CRYBB2: variants seen among roughly 807,000 people sequenced by gnomAD.
The protein encoded by CRYBB2 is beta-crystallin B2.
In CRYBB2, 12 loss-of-function variants were observed where a neutral mutation model predicts 24.3. The observed-to-expected ratio is 0.49, with a 90% CI of 0.32 to 0.80. The LOEUF (loss-of-function observed/expected upper bound fraction) is 0.80. Ranked by LOEUF, CRYBB2 falls within the 30% of genes least tolerant of loss-of-function variation. The pLI is 0.04. For synonymous variants in CRYBB2, 98 were observed against 101.6 expected, an observed-to-expected ratio of 0.96 and a Z score of 0.21; for missense variants, 198 against 268.5, an observed-to-expected ratio of 0.74 and a Z score of 1.83.
rs764256992 is a variant in CRYBB2 at position 25,224,956 on chromosome 22, G to C, written c.93G>C (p.Ser31=). ...AGCAGGAAAACTTTCAAGGCCACTC[G>C]CATGAGCTCAATGGGCCCTGCCCCA... ...IFEQENFQGH[S]HELNGPCPNL... is the part of the protein sequence containing the mutation. Residue 31 remains serine (S), a synonymous_variant, in exon 3 of 6, where the codon TCG becomes TCC. Coordinates refer to ENST00000398215, the MANE Select transcript of CRYBB2 (RefSeq NM_000496.3). 6.2e-7 allele frequency: 1 copy of C among 1,612,132 alleles called. No homozygotes were observed. The highest frequency in any genetic ancestry group is 8.5e-7 in the Non-Finnish European group (1 of 1,178,188).
chr22:25,229,057 G>A (rs1308131340), intron 4 of CRYBB2, among the ~76,000 whole-genome samples: 8 of 103,368 alleles, frequency 7.7e-5, no homozygotes, highest in African/African-American at 2.0e-4. Context: ...TGTGGTGTGC[G>A]TGTGTGCATG....
At chr22:25,213,813 A>T (rs1411331645) in intron 1 of CRYBB2, 1 of 152,132 alleles carries the variant, frequency 6.6e-6, no homozygotes, top group Non-Finnish European at 1.5e-5. Context: ...CAAATAAATT[A>T]TATGCACCTG....
At position 25,231,778 on chromosome 22, in the gene CRYBB2, T is replaced by A. The variant is rs201645539; in HGVS notation, c.*6T>A. 1.8e-4 allele frequency: 290 copies of A among 1,613,468 alleles called. No individual in the cohort carries two copies. Among genetic ancestry groups the A allele is most frequent in the South Asian group, 3.7e-4 (34 of 91,070 alleles). The stretch of plus-strand genomic sequence containing the variant: ...CCTTCCACCCCTCCAACTAGTGCCC[T>A]CCCCACCATGCCTCCTTCCCAGGAC... On this transcript the variant is annotated 3_prime_UTR_variant, in exon 6 of 6. Transcript: ENST00000398215.
At chr22:25,212,637 A>G (rs1322177797) in exon 1 of CRYBB2, 4 of 151,528 alleles carry the variant, frequency 2.6e-5, no homozygotes, top group Non-Finnish European at 5.9e-5. Flanking sequence ...TGCTTTTCCT[A>G]CTCTGTAGAC....
At chr22:25,229,718 T>C (rs929281763) in intron 5 of CRYBB2, 140 bp downstream of exon 5, 15 of 1,098,078 alleles carry the variant, frequency 1.4e-5, no homozygotes, top group Non-Finnish European at 2.0e-5. Flanking sequence ...CACTGGAAAG[T>C]AAATGGGAAT....
chr22:25,219,245 T>C (rs1000041601), upstream of CRYBB2, among the ~76,000 whole-genome samples: 1 of 152,066 alleles, frequency 6.6e-6, no homozygotes, highest in Admixed American at 6.6e-5. Context: ...AATAAATGGG[T>C]AGATGAATGA....
upstream of CRYBB2, among the ~76,000 whole-genome samples, chr22:25,218,075 C>T (rs1340681631): frequency 6.6e-6 from 1 of 151,476 alleles, no homozygotes; most frequent in Non-Finnish European, 1.5e-5. Flanking sequence ...CTGGCTAACA[C>T]AGTGAAACAC....
At chr22:25,224,821 C>T (rs1569019463) in intron 2 of CRYBB2, 97 bp from the exon 3 acceptor site, 3 of 789,144 alleles carry the variant, frequency 3.8e-6, no homozygotes, top group Non-Finnish European at 2.3e-6. Context: ...AACCCTTCAG[C>T]ATCCTTTGGG....
chr22:25,219,549 C>T (rs1213283746), upstream of CRYBB2: 1 of 152,248 alleles, frequency 6.6e-6, no homozygotes, highest in Non-Finnish European at 1.5e-5. Flanking sequence ...GCATTCTCAC[C>T]CTGCTTTTCG....
intron 4 of CRYBB2, 26 bp downstream of exon 4, chr22:25,228,011 C>T: frequency 6.2e-7 from 1 of 1,614,004 alleles, no homozygotes; most frequent in Non-Finnish European, 8.5e-7. Flanking sequence ...TCACCCTACT[C>T]CCTCTCTCTG....
chr22:25,227,279 A>G (rs1935435847), intron 3 of CRYBB2, among the ~76,000 whole-genome samples: 1 of 152,124 alleles, frequency 6.6e-6, no homozygotes, highest in African/African-American at 2.4e-5. Flanking sequence ...TGGATCTACA[A>G]AAACAGAGTT....
chr22:25,215,272 G>A (rs1569014063), upstream of CRYBB2, among the ~76,000 whole-genome samples: 2 of 152,218 alleles, frequency 1.3e-5, no homozygotes. Context: ...ATCACTTAAA[G>A]GCGTTCTTAA....
At chr22:25,218,823 A>G, upstream of CRYBB2, among the ~76,000 whole-genome samples, 1 of 120,506 alleles carries the variant, frequency 8.3e-6, no homozygotes, top group African/African-American at 3.7e-5. Flanking sequence ...AGAAAGAAAG[A>G]AAGAAAGAAA....
chr22:25,219,786 C>G (rs1569017222), intron 1 of CRYBB2, 120 bp downstream of exon 1: 3 of 152,194 alleles, frequency 2.0e-5, no homozygotes. Flanking sequence ...TGCTGTTAGC[C>G]TCAGTTTTCT....
upstream of CRYBB2, among the ~76,000 whole-genome samples, chr22:25,218,838 G>GAAAAGAAAGAA (rs386365958): frequency 2.0e-5 from 2 of 97,992 alleles, no homozygotes; most frequent in Admixed American, 9.1e-5. Flanking sequence ...AAGAAAGAAA[G>GAAAAGAAAGAA]AGAAAGAAAG....
At chr22:25,228,069 G>C (rs1935454415) in intron 4 of CRYBB2, 84 bp downstream of exon 4, 3 of 1,600,548 alleles carry the variant, frequency 1.9e-6, no homozygotes, top group African/African-American at 1.3e-5. Flanking sequence ...TGGAGGTCTG[G>C]GGACCAGGAA....
chr22:25,227,998 C>A lies in CRYBB2; in HGVS notation c.306+13C>A. 6.2e-7 allele frequency: 1 copy of A among 1,614,094 alleles called. No individual in the cohort carries two copies. Among genetic ancestry groups the A allele is most frequent in the Middle Eastern group, 1.6e-4 (1 of 6,062 alleles). On this transcript the variant is annotated intron_variant, in intron 4 of 5. Transcript: ENST00000398215. The stretch of plus-strand genomic sequence containing the variant: ...GCCCATCAAAGTGGTGAGCCCCCTG[C>A]CATCACCCTACTCCCTCTCTCTGCC...
upstream of CRYBB2, among the ~76,000 whole-genome samples, chr22:25,214,834 G>A (rs1363820563): frequency 6.6e-6 from 1 of 152,188 alleles, no homozygotes; most frequent in East Asian, 1.9e-4. Context: ...TCAAATCCCA[G>A]CTCTACCACT....
At chr22:25,216,657 A>C (rs2146082080), upstream of CRYBB2, among the ~76,000 whole-genome samples, 1 of 152,244 alleles carries the variant, frequency 6.6e-6, no homozygotes, top group South Asian at 2.1e-4. Context: ...CATAAAATTA[A>C]CCATTTTAAC....
Sources: gnomAD v4.1 joint callset for allele counts (sites outside exome capture counted in the v4.1 genomes callset) on GRCh38, gnomAD v4.1.1 for gene constraint, MANE v1.5 for transcripts, NCBI Gene and HGNC (gene_info 2026-07-23, HGNC 2026-07-21) for gene names.